Variants in PCDH15 observed in about 807,000 individuals in gnomAD.
PCDH15 encodes the protein protocadherin-15.
A neutral mutation model predicts 178.5 loss-of-function variants in PCDH15; 129 were observed. The ratio of observed to expected loss-of-function variants is 0.72; its 90% CI spans 0.63 to 0.84. The LOEUF (loss-of-function observed/expected upper bound fraction) is 0.84, where lower values mean the gene tolerates loss of function less well. Ranked by LOEUF, PCDH15 falls within the 40% of genes least tolerant of loss-of-function variation. PCDH15 has a pLI of 0.00. For missense variants in PCDH15, 2,230 were observed against 2,099.9 expected, an observed-to-expected ratio of 1.06 and a Z score of -1.21; for synonymous variants, 800 against 732.0, an observed-to-expected ratio of 1.09 and a Z score of -1.50.
rs145998514 is a variant in PCDH15 at position 53,903,316 on chromosome 10, A to G, written c.3428T>C (p.Val1143Ala). ...TCCGATGTAGAATTTTTTCTGAAAC[A>G]CTGGGGGATGATTATTTTCATCCTG... ...EIQDENNHPPVFQKKFYIGGV... is the reference protein window; with the variant it reads ...EIQDENNHPPAFQKKFYIGGV... Residue 1143 changes from valine (V) to alanine (A), a missense_variant, in exon 26 of 38, where the codon GTG becomes GCG. Coordinates refer to ENST00000644397, the MANE Select transcript of PCDH15 (RefSeq NM_001384140.1). 2.2e-5 allele frequency: 35 copies of G among 1,613,058 alleles called. No individual in the cohort carries two copies. Among genetic ancestry groups the G allele is most frequent in the Non-Finnish European group, 2.5e-5 (30 of 1,179,450 alleles).
At chr10:54,352,185 T>C (rs1020056707) in intron 5 of PCDH15, among the ~76,000 whole-genome samples, 1 of 152,204 alleles carries the variant, frequency 6.6e-6, no homozygotes, top group Non-Finnish European at 1.5e-5. Flanking sequence ...GATTTCTGAA[T>C]ACCTAAAATA....
At chr10:54,900,984 A>G (rs1019520960) in intron 2 of PCDH15, among the ~76,000 whole-genome samples, 1 of 152,208 alleles carries the variant, frequency 6.6e-6, no homozygotes, top group Non-Finnish European at 1.5e-5. Context: ...TTTGTGCTCT[A>G]GACCTTGTGA....
chr10:54,297,284 C>T (rs772273407), intron 8 of PCDH15, among the ~76,000 whole-genome samples: 14 of 152,096 alleles, frequency 9.2e-5, no homozygotes, highest in African/African-American at 1.4e-4. Flanking sequence ...CAATTTGACC[C>T]GCAAACCCTG....
chr10:55,383,308 T>TCTCTCCTTCACTGCCA (rs1402973496), intron 2 of PCDH15, among the ~76,000 whole-genome samples: 7 of 152,056 alleles, frequency 4.6e-5, no homozygotes, highest in African/African-American at 1.7e-4. Flanking sequence ...CTTCTTCTCT[T>TCTCTCCTTCACTGCCA]CTCTCCTTCA....
At chr10:55,611,678 A>C (rs893988788) in intron 2 of PCDH15, among the ~76,000 whole-genome samples, 5 of 152,130 alleles carry the variant, frequency 3.3e-5, no homozygotes. Flanking sequence ...AGTTAAAATC[A>C]GTATGTTGAC....
intron 8 of PCDH15, among the ~76,000 whole-genome samples, chr10:54,294,503 A>G (rs1179268350): frequency 2.0e-5 from 3 of 152,188 alleles, no homozygotes; most frequent in Non-Finnish European, 4.4e-5. Context: ...AATAGATATA[A>G]CGCATGTTAC....
intron 8 of PCDH15, among the ~76,000 whole-genome samples, chr10:54,272,189 T>G (rs1165070753): frequency 6.6e-6 from 1 of 151,654 alleles, no homozygotes; most frequent in Non-Finnish European, 1.5e-5. Context: ...AAATCATGTC[T>G]ACTGATCCTG....
intron 1 of PCDH15, among the ~76,000 whole-genome samples, chr10:55,253,808 G>T (rs1841913506): frequency 6.6e-6 from 1 of 152,128 alleles, no homozygotes; most frequent in Non-Finnish European, 1.5e-5. Flanking sequence ...TCAGTAAGTT[G>T]AGTGCATAAT....
intron 2 of PCDH15, among the ~76,000 whole-genome samples, chr10:55,091,584 C>T (rs554837212): frequency 1.4e-4 from 22 of 151,976 alleles, no homozygotes; most frequent in Admixed American, 3.9e-4. Context: ...TCTCTAATGA[C>T]ACATATAAGT....
intron 27 of PCDH15, among the ~76,000 whole-genome samples, chr10:53,861,288 C>T (rs889960388): frequency 6.6e-6 from 1 of 151,922 alleles, no homozygotes; most frequent in Admixed American, 6.6e-5. Context: ...TTATTTAATT[C>T]TGTAGCTTAA....
chr10:54,893,668 G>T (rs1591767534), intron 3 of PCDH15, among the ~76,000 whole-genome samples: 1 of 151,620 alleles, frequency 6.6e-6, no homozygotes, highest in African/African-American at 2.4e-5. Context: ...AAAAGAGTTG[G>T]GTATGTAAAC....
intron 18 of PCDH15, among the ~76,000 whole-genome samples, chr10:54,025,336 ACT>A (rs1227588757): frequency 1.3e-5 from 2 of 152,068 alleles, no homozygotes; most frequent in South Asian, 2.1e-4. Context: ...CTTTCTGGAG[ACT>A]CTAAGGAGAA....
intron 15 of PCDH15, 124 bp from the exon 16 acceptor site, chr10:54,090,187 T>A: frequency 2.6e-6 from 2 of 773,518 alleles, no homozygotes; most frequent in Non-Finnish European, 4.4e-6. Context: ...GAATAAAGAT[T>A]AAAGCATGGC....
chr10:53,992,485 C>T (rs1472677598), intron 21 of PCDH15, among the ~76,000 whole-genome samples: 1 of 152,170 alleles, frequency 6.6e-6, no homozygotes, highest in Non-Finnish European at 1.5e-5. Context: ...TAATGCTTCA[C>T]TTGTTGGAGA....
At chr10:55,012,046 A>G (rs1237629547) in intron 2 of PCDH15, among the ~76,000 whole-genome samples, 2 of 152,112 alleles carry the variant, frequency 1.3e-5, no homozygotes, top group African/African-American at 2.4e-5. Flanking sequence ...GGCACGAAGT[A>G]TATTTCTGAA....
At chr10:54,982,547 T>C (rs879295917) in intron 2 of PCDH15, among the ~76,000 whole-genome samples, 1 of 152,190 alleles carries the variant, frequency 6.6e-6, no homozygotes, top group African/African-American at 2.4e-5. Flanking sequence ...AATCTGATGA[T>C]GATTAAAATT....
intron 1 of PCDH15, among the ~76,000 whole-genome samples, chr10:55,302,506 A>AT (rs1256720057): frequency 2.0e-5 from 3 of 152,130 alleles, no homozygotes; most frequent in East Asian, 1.9e-4. Flanking sequence ...GGAAAACCGT[A>AT]TTTTGCACCT....
intron 1 of PCDH15, among the ~76,000 whole-genome samples, chr10:54,679,272 C>G (rs1166722863): frequency 1.4e-5 from 2 of 148,060 alleles, no homozygotes; most frequent in Non-Finnish European, 3.0e-5. Flanking sequence ...TTGGTCTAAA[C>G]TACAAAATTT....
chr10:55,528,335 T>C (rs1342756256), intron 2 of PCDH15, among the ~76,000 whole-genome samples: 1 of 152,068 alleles, frequency 6.6e-6, no homozygotes, highest in Non-Finnish European at 1.5e-5. Context: ...CATTAACTGC[T>C]CATTTACATT....
Sources: allele counts gnomAD v4.1 joint callset (sites outside exome capture counted in the v4.1 genomes callset), GRCh38; gene constraint gnomAD v4.1.1; transcripts MANE v1.5; gene names NCBI Gene and HGNC (gene_info 2026-07-23, HGNC 2026-07-21).